The following KCNN3 variants were observed in gnomAD, a reference collection of about 807,000 sequenced individuals.
The protein encoded by KCNN3 is small conductance calcium-activated potassium channel protein 3.
KCNN3 carries 16 observed loss-of-function variants against 62.9 expected under a neutral mutation model. That is an observed-to-expected ratio of 0.25 (90% CI 0.17 to 0.39). The LOEUF is 0.39. Among genes scored for constraint, KCNN3 ranks in the 10% least tolerant of loss-of-function variants. The probability of loss-of-function intolerance (pLI) is 1.00; values close to 1 mark genes in which losing one functional copy is unlikely to be tolerated. For missense variants in KCNN3, 599 were observed against 949.4 expected (o/e 0.63, Z 4.85); for synonymous variants, 370 against 389.2 (o/e 0.95, Z 0.58).
At chr1:154,732,790 T>C (rs1471216787) in intron 4 of KCNN3, among the ~76,000 whole-genome samples, 1 of 152,216 alleles carries the variant, frequency 6.6e-6, no homozygotes, top group Admixed American at 6.5e-5. Flanking sequence ...GGAGTCCAGG[T>C]CTCATTCTTA....
At chr1:154,825,539 T>TA (rs1266575405) in intron 1 of KCNN3, among the ~76,000 whole-genome samples, 1 of 151,646 alleles carries the variant, frequency 6.6e-6, no homozygotes, top group African/African-American at 2.4e-5. Flanking sequence ...CTAATTTTTT[T>TA]GTATTTTTAG....
At chr1:154,714,576 G>C (rs1571204459) in intron 6 of KCNN3, among the ~76,000 whole-genome samples, 1 of 62,640 alleles carries the variant, frequency 1.6e-5, no homozygotes, top group Non-Finnish European at 3.3e-5. Flanking sequence ...TGGTGTGTGT[G>C]TGTGGTGTGT....
chr1:154,776,476 T>C (rs1049387761), intron 2 of KCNN3, among the ~76,000 whole-genome samples: 1 of 152,110 alleles, frequency 6.6e-6, no homozygotes, highest in Non-Finnish European at 1.5e-5. Context: ...GTTAAAAGCT[T>C]CTGCTAGACA....
chr1:154,732,058 G>A (rs1170326241), intron 4 of KCNN3, among the ~76,000 whole-genome samples: 1 of 152,222 alleles, frequency 6.6e-6, no homozygotes, highest in African/African-American at 2.4e-5. Context: ...TGACCTGTGT[G>A]TGGCCGCTTC....
chr1:154,801,975 C>T lies in KCNN3; in HGVS notation c.1029+20114G>A, dbSNP rs576324873. On this transcript the variant is annotated intron_variant, in intron 2 of 7. Coordinates refer to ENST00000271915, the MANE Select transcript of KCNN3 (RefSeq NM_002249.6). Reference sequence around the variant, plus strand: ...AGGGAATAAGAACATGGCCTTTGTTCACTTGTTTCTTGATTGGACAATTAT... The same window carrying T: ...AGGGAATAAGAACATGGCCTTTGTTTACTTGTTTCTTGATTGGACAATTAT... Among the ~76,000 whole-genome samples, 9 of 152,308 alleles carry T rather than the reference C, an allele frequency of 5.9e-5. No homozygotes were observed. In the South Asian group the frequency reaches 1.5e-3, roughly 25 times the overall value.
rs1488608083 is a variant in KCNN3, at chr1:154,862,275, G to C, written c.933+6757C>G. On this transcript the variant is annotated intron_variant, in intron 1 of 7. Transcript: ENST00000271915. The surrounding 1 kb of genome is among the most constrained non-coding windows in gnomAD (Gnocchi z 4.1). ...GAGTTTTCTCATCCCTGAGATAGTT[G>C]GTCATCATGAGCCCTGGGCCAGCCA... Among the ~76,000 whole-genome samples the C allele has an allele frequency of 6.6e-6, 1 of 152,110 alleles. No individual in the cohort carries two copies. Among genetic ancestry groups the C allele is most frequent in the Non-Finnish European group, 1.5e-5 (1 of 68,014 alleles).
At chr1:154,762,040 A>G (rs1049261320) in intron 3 of KCNN3, among the ~76,000 whole-genome samples, 21 of 152,230 alleles carry the variant, frequency 1.4e-4, no homozygotes, top group Non-Finnish European at 2.4e-4. Context: ...TACCCATCAT[A>G]TGGATGTGCC....
chr1:154,797,431 A>G (rs1346792303), intron 2 of KCNN3, among the ~76,000 whole-genome samples: 1 of 152,214 alleles, frequency 6.6e-6, no homozygotes, highest in African/African-American at 2.4e-5. Context: ...AGGAAGTATT[A>G]ATAGAAATAA....
At chr1:154,820,184 C>A (rs1162149155) in intron 2 of KCNN3, among the ~76,000 whole-genome samples, 1 of 152,192 alleles carries the variant, frequency 6.6e-6, no homozygotes, top group African/African-American at 2.4e-5. Flanking sequence ...GCCACCAGGC[C>A]GGAACTGAGT....
intron 3 of KCNN3, among the ~76,000 whole-genome samples, chr1:154,735,143 G>A (rs1045294072): frequency 6.6e-6 from 1 of 152,186 alleles, no homozygotes; most frequent in Non-Finnish European, 1.5e-5. Flanking sequence ...AATGGTCGGC[G>A]GGTGGCGAGC....
At chr1:154,776,669 T>C (rs1648804105) in intron 2 of KCNN3, among the ~76,000 whole-genome samples, 1 of 152,208 alleles carries the variant, frequency 6.6e-6, no homozygotes, top group East Asian at 1.9e-4. Flanking sequence ...CCCTGCTGTT[T>C]CCTCACTCTG....
At chr1:154,839,637 ACTCAGACCCCCG>A (rs1651743857) in intron 1 of KCNN3, among the ~76,000 whole-genome samples, 3 of 152,072 alleles carry the variant, frequency 2.0e-5, no homozygotes, top group African/African-American at 2.4e-5. Flanking sequence ...GGGTTGCTGG[ACTCAGACCCCCG>A]CTCAGCTCTC....
chr1:154,761,964 C>A (rs2101828316), intron 3 of KCNN3, among the ~76,000 whole-genome samples: 1 of 102,666 alleles, frequency 9.7e-6, no homozygotes, highest in East Asian at 2.9e-4. Flanking sequence ...AAGTAACAAA[C>A]AAACAAACAA....
intron 1 of KCNN3, among the ~76,000 whole-genome samples, chr1:154,856,014 G>A (rs562849114): frequency 2.0e-5 from 3 of 152,322 alleles, no homozygotes; most frequent in Admixed American, 1.3e-4. Context: ...TCCCCGCCCT[G>A]AGGGAAGCTC....
At chr1:154,740,083 A>T (rs1171434657) in intron 3 of KCNN3, among the ~76,000 whole-genome samples, 1 of 152,244 alleles carries the variant, frequency 6.6e-6, no homozygotes, top group Non-Finnish European at 1.5e-5. Context: ...GAACTCTTCT[A>T]TGAATTGCTT....
At chr1:154,794,670 A>G (rs1395973853) in intron 2 of KCNN3, among the ~76,000 whole-genome samples, 1 of 152,140 alleles carries the variant, frequency 6.6e-6, no homozygotes, top group Non-Finnish European at 1.5e-5. Context: ...TGGATCAACC[A>G]TGGACCAAAG....
chr1:154,697,556 C>T lies in KCNN3; in HGVS notation c.*10420G>A, dbSNP rs757581436. On this transcript the variant is annotated 3_prime_UTR_variant, in exon 8 of 8. Coordinates refer to ENST00000271915, the MANE Select transcript of KCNN3 (RefSeq NM_002249.6). ...AACATTTAAAAATGCCCATTCTCTC[C>T]AGCTTCAGTTCAAGCAGGAGTGGGG... 3 of 152,080 alleles carry T rather than the reference C, an allele frequency of 2.0e-5. No individual in the cohort carries two copies. Among genetic ancestry groups the T allele is most frequent in the Non-Finnish European group, 4.4e-5 (3 of 68,022 alleles). 9.4% of individuals were successfully genotyped at this position (152,080 alleles called of 1,614,324 possible).
intron 3 of KCNN3, among the ~76,000 whole-genome samples, chr1:154,751,795 G>A (rs1258453562): frequency 6.6e-6 from 1 of 152,090 alleles, no homozygotes. Context: ...CTTGTTACAC[G>A]TTGCCAGGCA....
At chr1:154,835,535 C>T (rs1651552702) in intron 1 of KCNN3, among the ~76,000 whole-genome samples, 2 of 152,284 alleles carry the variant, frequency 1.3e-5, no homozygotes, top group South Asian at 4.1e-4. Flanking sequence ...GTATTTTTAG[C>T]AAGGTGGTGT....
Sources: gnomAD v4.1 joint callset for allele counts (sites outside exome capture counted in the v4.1 genomes callset) on GRCh38, gnomAD v4.1.1 for gene constraint, Gnocchi (gnomAD v3.1) non-coding constraint, MANE v1.5 for transcripts, NCBI Gene and HGNC (gene_info 2026-07-23, HGNC 2026-07-21) for gene names.